Variants in PEX14 observed in about 807,000 individuals in gnomAD.
PEX14 encodes the protein peroxisomal membrane protein PEX14.
Under a neutral mutation model 49.5 loss-of-function variants are expected in PEX14, and 15 were observed. The ratio of observed to expected loss-of-function variants is 0.30; its 90% CI spans 0.20 to 0.47. The LOEUF is 0.47. Among genes scored for constraint, PEX14 ranks in the 20% least tolerant of loss-of-function variants. The pLI, the probability that PEX14 is intolerant of heterozygous loss-of-function variation, is 1.00. For missense variants in PEX14, 398 were observed against 494.8 expected, an observed-to-expected ratio of 0.80 and a Z score of 1.86; for synonymous variants, 210 against 212.7, an observed-to-expected ratio of 0.99 and a Z score of 0.11.
chr1:10,601,284 A>AAAAG (rs1640978849), intron 4 of PEX14, among the ~76,000 whole-genome samples: 1 of 150,462 alleles, frequency 6.6e-6, no homozygotes, highest in African/African-American at 2.5e-5. Flanking sequence ...AAAAAAAAAA[A>AAAAG]GTGTTAGATA....
At chr1:10,533,686 A>G (rs1638713979) in intron 2 of PEX14, among the ~76,000 whole-genome samples, 1 of 152,214 alleles carries the variant, frequency 6.6e-6, no homozygotes, top group Non-Finnish European at 1.5e-5. Flanking sequence ...GATTTTTCCC[A>G]ATTGAATCAG....
At chr1:10,498,043 G>T (rs1641600504) in intron 2 of PEX14, among the ~76,000 whole-genome samples, 1 of 152,210 alleles carries the variant, frequency 6.6e-6, no homozygotes, top group Non-Finnish European at 1.5e-5. Context: ...ACTTTGGGAG[G>T]CCAAGGTCGG....
intron 2 of PEX14, among the ~76,000 whole-genome samples, chr1:10,522,401 GA>G (rs1638329048): frequency 6.6e-6 from 1 of 152,216 alleles, no homozygotes; most frequent in South Asian, 2.1e-4. Flanking sequence ...AGGCACTCCT[GA>G]AAATGAGCTG....
intron 2 of PEX14, among the ~76,000 whole-genome samples, chr1:10,516,070 A>C (rs1641964787): frequency 6.6e-6 from 1 of 152,168 alleles, no homozygotes; most frequent in Non-Finnish European, 1.5e-5. Context: ...TTTCTTCCAA[A>C]ATTGTATTTG....
chr1:10,556,772 A>G (rs1279565725), intron 3 of PEX14, among the ~76,000 whole-genome samples: 1 of 152,238 alleles, frequency 6.6e-6, no homozygotes, highest in East Asian at 1.9e-4. Flanking sequence ...AACTCAGTAC[A>G]GGAACACACT....
chr1:10,559,242 A>C (rs1055843584), intron 3 of PEX14, among the ~76,000 whole-genome samples: 4 of 152,118 alleles, frequency 2.6e-5, no homozygotes, highest in African/African-American at 9.7e-5. Context: ...TAAAGCATTA[A>C]TTTAGAGATG....
intron 1 of PEX14, among the ~76,000 whole-genome samples, chr1:10,491,764 T>G (rs1641478727): frequency 7.5e-6 from 1 of 133,320 alleles, no homozygotes. Context: ...CACTGTAACC[T>G]CCGCCTCCCG....
chr1:10,583,501 T>A (rs2124574252), intron 3 of PEX14, among the ~76,000 whole-genome samples: 1 of 151,562 alleles, frequency 6.6e-6, no homozygotes, highest in South Asian at 2.1e-4. Flanking sequence ...AGATTACAGG[T>A]ATTAGCTACC....
chr1:10,604,102 C>T (rs896380683), intron 4 of PEX14, among the ~76,000 whole-genome samples: 3 of 152,180 alleles, frequency 2.0e-5, no homozygotes, highest in East Asian at 1.9e-4. Flanking sequence ...AAGACCTGGT[C>T]GCTCTCTCTG....
intron 5 of PEX14, among the ~76,000 whole-genome samples, chr1:10,621,587 T>C (rs1246124741): frequency 6.6e-6 from 1 of 152,110 alleles, no homozygotes; most frequent in Non-Finnish European, 1.5e-5. Context: ...CCTCATGATC[T>C]GCCCACCTCA....
rs2124400802 is a variant in PEX14 at position 10,494,736 on chromosome 1, G to GCGA, written c.37-538_37-537insCGA. 6.6e-6 allele frequency among the ~76,000 whole-genome samples: 1 copy of GCGA among 152,316 alleles called. No homozygotes were observed. Among genetic ancestry groups the GCGA allele is most frequent in the East Asian group, 1.9e-4 (1 of 5,178 alleles). ...TGTGGGGTGGTGTCCTTAGTGGCAG[G>GCGA]TGATGAATAGGAACCTGTGTAGTTT... On this transcript the variant is annotated intron_variant, in intron 1 of 8. Coordinates refer to ENST00000356607, the MANE Select transcript of PEX14 (RefSeq NM_004565.3). This position sits in a 1 kb window ranked among gnomAD's most constrained non-coding sequence, Gnocchi z 4.3.
rs1350812541 is a variant in PEX14 at position 10,597,055 on chromosome 1, C to G, written c.170-2183C>G. Among the ~76,000 whole-genome samples, 1 of 152,258 alleles carries G rather than the reference C, an allele frequency of 6.6e-6. No individual in the cohort carries two copies. Among genetic ancestry groups the G allele is most frequent in the Non-Finnish European group, 1.5e-5 (1 of 68,050 alleles). On this transcript the variant is annotated intron_variant, in intron 3 of 8. Transcript: ENST00000356607. The surrounding 1 kb of genome is among the most constrained non-coding windows in gnomAD (Gnocchi z 5.7). ...GGGCAGGGCGTCCTGTCCCTTTAAC[C>G]AGCTCCGGCCCTCAGGGCCACAGCA...
Position 10,494,737 on chromosome 1 carries a change from T to C in PEX14, c.37-537T>C, listed in dbSNP as rs620405. On this transcript the variant is annotated intron_variant, in intron 1 of 8. Coordinates refer to ENST00000356607, the MANE Select transcript of PEX14 (RefSeq NM_004565.3). The surrounding 1 kb of genome is among the most constrained non-coding windows in gnomAD (Gnocchi z 4.3). Reference sequence around the variant, plus strand: ...GTGGGGTGGTGTCCTTAGTGGCAGGTGATGAATAGGAACCTGTGTAGTTTA... The same window carrying C: ...GTGGGGTGGTGTCCTTAGTGGCAGGCGATGAATAGGAACCTGTGTAGTTTA... Among the ~76,000 whole-genome samples the C allele has an allele frequency of 0.67, 102,543 of 152,068 alleles. 34,799 individuals are homozygous for C. The highest frequency in any genetic ancestry group is 0.8 in the East Asian group (4,146 of 5,160).
intron 3 of PEX14, among the ~76,000 whole-genome samples, chr1:10,545,970 T>C (rs1330851793): frequency 6.6e-6 from 1 of 151,878 alleles, no homozygotes; most frequent in African/African-American, 2.4e-5. Context: ...GCTTGAGCCT[T>C]GGAGTTTGAG....
chr1:10,621,266 C>T (rs552774898), intron 5 of PEX14, among the ~76,000 whole-genome samples: 20 of 150,222 alleles, frequency 1.3e-4, no homozygotes, highest in African/African-American at 3.4e-4. Context: ...GCTAGGGCAG[C>T]GTGTCTGCTC....
chr1:10,607,289 A>G (rs1641155268), intron 4 of PEX14, among the ~76,000 whole-genome samples: 1 of 152,152 alleles, frequency 6.6e-6, no homozygotes, highest in Non-Finnish European at 1.5e-5. Flanking sequence ...TTGTTTATCC[A>G]TTCACCAGTT....
intron 1 of PEX14, among the ~76,000 whole-genome samples, chr1:10,488,908 T>A (rs745770937): frequency 2.2e-4 from 33 of 152,230 alleles, no homozygotes; most frequent in Non-Finnish European, 4.1e-4. Flanking sequence ...TGTCTACTAG[T>A]TATATCGTCT....
chr1:10,507,527 C>T (rs1427020460), intron 2 of PEX14, among the ~76,000 whole-genome samples: 1 of 152,232 alleles, frequency 6.6e-6, no homozygotes, highest in Non-Finnish European at 1.5e-5. Flanking sequence ...ATGTACCTCA[C>T]TAATGACAGG....
At chr1:10,522,380 T>C (rs1454345766) in intron 2 of PEX14, among the ~76,000 whole-genome samples, 2 of 152,200 alleles carry the variant, frequency 1.3e-5, no homozygotes, top group African/African-American at 4.8e-5. Context: ...AGATTTCAAC[T>C]CAGTTTAAAG....
Sources: allele counts gnomAD v4.1 joint callset (sites outside exome capture counted in the v4.1 genomes callset), GRCh38; gene constraint gnomAD v4.1.1; non-coding constraint Gnocchi (gnomAD v3.1); transcripts MANE v1.5; gene names NCBI Gene and HGNC (gene_info 2026-07-23, HGNC 2026-07-21).